Variants in TRPV1 observed in about 807,000 individuals in gnomAD.
TRPV1 encodes OTRPC1.
Under a neutral mutation model 82.3 loss-of-function variants are expected in TRPV1, and 82 were observed. That is an observed-to-expected ratio of 1.00 (90% confidence interval 0.83 to 1.20). The LOEUF is 1.20. TRPV1 is among the 50% of genes most tolerant of loss of function. The probability of loss-of-function intolerance (pLI) is 0.00; values close to 1 mark genes in which losing one functional copy is unlikely to be tolerated. For synonymous variants in TRPV1, 515 were observed against 467.7 expected, an observed-to-expected ratio of 1.10 and a Z score of -1.30; for missense variants, 1,067 against 1,096.8, an observed-to-expected ratio of 0.97 and a Z score of 0.38.
intron 16 of TRPV1, among the ~76,000 whole-genome samples, chr17:3,570,293 C>G (rs1333291690): frequency 6.6e-6 from 1 of 151,756 alleles, no homozygotes; most frequent in Non-Finnish European, 1.5e-5. Flanking sequence ...TCGCTTGAAC[C>G]CGGGAGGCGG....
chr17:3,589,837 C>T lies in TRPV1; in HGVS notation c.1014G>A (p.Leu338=). 6.2e-7 allele frequency: 1 copy of T among 1,613,826 alleles called. No homozygotes were observed. The highest frequency in any genetic ancestry group is 8.5e-7 in the Non-Finnish European group (1 of 1,179,782). Reference sequence around the variant, plus strand: ...TCTTCCCGGTCCCAGCTGCCAGAGCCAGCGGCGTCATTCCCTTCTTGTTGG... The same window carrying T: ...TCTTCCCGGTCCCAGCTGCCAGAGCTAGCGGCGTCATTCCCTTCTTGTTGG... ...ELTNKKGMTP[L]ALAAGTGKIG... The change falls in exon 7 of 17, where the codon CTG becomes CTA. Residue 338 remains leucine (L), a synonymous_variant. Transcript: ENST00000572705.
rs200300644 is a variant in TRPV1 at position 3,577,644 on chromosome 17, G to A, written c.1667C>T (p.Thr556Ile). The A allele has an allele frequency of 1.3e-6, 2 of 1,585,502 alleles. No homozygotes were observed. The highest frequency in any genetic ancestry group is 2.3e-5 in the South Asian group (2 of 86,510). The change falls in exon 12 of 17, where the codon ACC becomes ATC. Residue 556 changes from threonine to isoleucine, a missense_variant. Coordinates refer to ENST00000572705, the MANE Select transcript of TRPV1 (RefSeq NM_080704.4). Reference protein sequence around the residue: ...ALGWTNMLYYTRGFQQMGIYA... With the variant: ...ALGWTNMLYYIRGFQQMGIYA... ...GATGCCCATCTGCTGGAAACCGCGG[G>A]TGTAGTAGAGCATGTTGGTCCAGCC...
At position 3,585,825 on chromosome 17, in the gene TRPV1, G is replaced by A. The variant is rs1268289948; in HGVS notation, c.1326C>T (p.Tyr442=). 8.7e-6 allele frequency: 14 copies of A among 1,613,812 alleles called. No homozygotes were observed. The highest frequency in any genetic ancestry group is 1.7e-5 in the Admixed American group (1 of 59,980). Residue 442 remains tyrosine, a synonymous_variant, in exon 9 of 17, where the codon TAC becomes TAT. Transcript: ENST00000572705. The stretch of plus-strand genomic sequence containing the variant: ...TGGTGAAGATGATCATGTACAGGCA[G>A]TAGACCAGGAAGTTGAAGTAGAAGA... ...KRIFYFNFLV[Y]CLYMIIFTMA...
chr17:3,568,270 C>T (rs181548289), intron 16 of TRPV1, among the ~76,000 whole-genome samples: 2,730 of 145,892 alleles, frequency 0.019, 41 homozygotes, highest in Non-Finnish European at 0.025. Context: ...TGCAGTGAGC[C>T]AAGATTGCGC....
chr17:3,584,269 A>G (rs2075055610), intron 9 of TRPV1, among the ~76,000 whole-genome samples: 1 of 151,426 alleles, frequency 6.6e-6, no homozygotes, highest in South Asian at 2.1e-4. Flanking sequence ...GTCTCAAAAA[A>G]CAAAAAACAA....
chr17:3,598,810 A>G (rs562705738), intron 2 of TRPV1, among the ~76,000 whole-genome samples: 247 of 150,112 alleles, frequency 1.6e-3, no homozygotes, highest in African/African-American at 5.7e-3. Flanking sequence ...CAAGTGATCC[A>G]CCTGCCTCGG....
chr17:3,599,632 CT>C (rs34701684), intron 2 of TRPV1, among the ~76,000 whole-genome samples: 28,492 of 141,390 alleles, frequency 0.2, 3,422 homozygotes, highest in East Asian at 0.53. Flanking sequence ...TTTTTCTTTT[CT>C]TTTTTTTTTT....
At chr17:3,574,917 C>CAAAAAAAA (rs55990804) in intron 13 of TRPV1, among the ~76,000 whole-genome samples, 1 of 82,930 alleles carries the variant, frequency 1.2e-5, no homozygotes, top group Non-Finnish European at 2.4e-5. Context: ...GACTCTATCT[C>CAAAAAAAA]AAAAAAAAAA....
chr17:3,582,036 A>G (rs1243089356), intron 10 of TRPV1, among the ~76,000 whole-genome samples: 4 of 125,792 alleles, frequency 3.2e-5, no homozygotes, highest in Admixed American at 2.5e-4. Context: ...TAAAAATACA[A>G]AAAATTAGCC....
Position 3,577,182 on chromosome 17 carries a change from C to G in TRPV1, c.1724G>C (p.Arg575Thr), listed in dbSNP as rs1472680392. 3 of 1,581,738 alleles carry G rather than the reference C, an allele frequency of 1.9e-6. No homozygotes were observed. The highest frequency in any genetic ancestry group is 2.6e-6 in the Non-Finnish European group (3 of 1,164,260). Residue 575 changes from arginine to threonine, a missense_variant, in exon 13 of 17, where the codon AGA becomes ACA. Physicochemically the swap from Arg to Thr is moderately conservative, Grantham distance 71. Transcript: ENST00000572705. ...YAVMIEKMILRDLCRFMFVYI... is the reference protein window; with the variant it reads ...YAVMIEKMILTDLCRFMFVYI... ...GACAAACATGAAACGGCACAGGTCT[C>G]TCAGGATCATCTGCAGGAGACAGCA...
intron 13 of TRPV1, among the ~76,000 whole-genome samples, chr17:3,574,905 G>A (rs1175999042): frequency 3.2e-5 from 4 of 123,902 alleles, no homozygotes; most frequent in Non-Finnish European, 6.4e-5. Flanking sequence ...GCGACAGAAC[G>A]AGACTCTATC....
intron 2 of TRPV1, among the ~76,000 whole-genome samples, chr17:3,595,377 G>A (rs1419612222): frequency 2.6e-5 from 4 of 152,076 alleles, no homozygotes; most frequent in East Asian, 1.9e-4. Context: ...GCTCCACCAC[G>A]ATGCTGGAGG....
At chr17:3,580,070 G>A (rs1172066054) in intron 11 of TRPV1, among the ~76,000 whole-genome samples, 2 of 125,936 alleles carry the variant, frequency 1.6e-5, no homozygotes, top group African/African-American at 6.4e-5. Context: ...GCACTACCCA[G>A]TCCAAAATAT....
At position 3,578,381 on chromosome 17, in the gene TRPV1, C is replaced by G. The variant is rs947719676; in HGVS notation, c.1548-618G>C. Among the ~76,000 whole-genome samples the G allele has an allele frequency of 7.9e-5, 12 of 152,230 alleles. 3 individuals carry two copies. ...AGTACATAAAAGGATATATAGTGGC[C>G]AGGCGTGATGGCTCACACCTGTCAT... On this transcript the variant is annotated intron_variant, in intron 11 of 16. Coordinates refer to ENST00000572705, the MANE Select transcript of TRPV1 (RefSeq NM_080704.4).
intron 14 of TRPV1, 51 bp from the exon 15 acceptor site, chr17:3,572,300 CG>C: frequency 6.4e-7 from 1 of 1,554,316 alleles, no homozygotes; most frequent in Non-Finnish European, 8.7e-7. Context: ...GGGTGCATCC[CG>C]GGGCCACCCT....
At chr17:3,588,480 A>T (rs1168304579) in intron 7 of TRPV1, 113 bp from the exon 8 acceptor site, 18 of 1,247,882 alleles carry the variant, frequency 1.4e-5, no homozygotes, top group Admixed American at 2.3e-5. Context: ...CCTAAGCCCC[A>T]GGCGAGTCCC....
intron 16 of TRPV1, among the ~76,000 whole-genome samples, chr17:3,570,032 TCAGGAAGGAG>T (rs2074831376): frequency 7.8e-6 from 1 of 127,396 alleles, no homozygotes; most frequent in African/African-American, 3.3e-5. Flanking sequence ...GGCCAAGCGG[TCAGGAAGGAG>T]GGGTCATGGA....
At chr17:3,605,007 C>A (rs960377022) in intron 2 of TRPV1, among the ~76,000 whole-genome samples, 2 of 152,180 alleles carry the variant, frequency 1.3e-5, no homozygotes, top group Non-Finnish European at 2.9e-5. Flanking sequence ...CACACTATGA[C>A]CAAGTTACAC....
At chr17:3,577,800 A>G (rs1414952052) in intron 11 of TRPV1, 37 bp from the exon 12 acceptor site, 21 of 1,562,504 alleles carry the variant, frequency 1.3e-5, no homozygotes, top group Non-Finnish European at 1.6e-5. Context: ...GTCTACGGGA[A>G]CCCAGGAGGC....
Sources: gnomAD v4.1 joint callset for allele counts (sites outside exome capture counted in the v4.1 genomes callset) on GRCh38, gnomAD v4.1.1 for gene constraint, MANE v1.5 for transcripts, NCBI Gene and HGNC (gene_info 2026-07-23, HGNC 2026-07-21) for gene names.